Variants in SETBP1 observed in about 807,000 individuals in gnomAD.
SETBP1 encodes SET-binding protein.
Under a neutral mutation model 101.0 loss-of-function variants are expected in SETBP1, and 9 were observed. The observed-to-expected ratio is 0.09, with a 90% CI of 0.05 to 0.16. SETBP1 has a LOEUF of 0.16. Among genes scored for constraint, SETBP1 ranks in the 10% least tolerant of loss-of-function variants. The pLI is 1.00. For missense variants in SETBP1, 1,858 were observed against 2,033.8 expected (o/e 0.91, Z 1.66); for synonymous variants, 818 against 788.5 (o/e 1.04, Z -0.63).
At chr18:44,798,725 C>T (rs749637229) in intron 2 of SETBP1, among the ~76,000 whole-genome samples, 2 of 152,220 alleles carry the variant, frequency 1.3e-5, no homozygotes, top group Non-Finnish European at 2.9e-5. Flanking sequence ...AAACCTCACA[C>T]TGAGACTGAA....
chr18:44,980,455 G>C (rs2072087332), intron 4 of SETBP1, among the ~76,000 whole-genome samples: 1 of 151,256 alleles, frequency 6.6e-6, no homozygotes, highest in Non-Finnish European at 1.5e-5. Flanking sequence ...GCCCCAAGTA[G>C]TTTCTCTGAT....
intron 2 of SETBP1, among the ~76,000 whole-genome samples, chr18:44,778,611 G>C (rs2071056946): frequency 6.6e-6 from 1 of 152,200 alleles, no homozygotes; most frequent in Non-Finnish European, 1.5e-5. Context: ...GGCCAATTCA[G>C]TGGTAAGGCA....
At chr18:44,829,184 T>G (rs1420126204) in intron 2 of SETBP1, among the ~76,000 whole-genome samples, 1 of 152,158 alleles carries the variant, frequency 6.6e-6, no homozygotes, top group Admixed American at 6.5e-5. Flanking sequence ...TTTGGGTCCA[T>G]GTGGGTTTTC....
intron 5 of SETBP1, among the ~76,000 whole-genome samples, chr18:45,059,705 C>T (rs868352256): frequency 1.3e-5 from 2 of 152,186 alleles, no homozygotes; most frequent in South Asian, 2.1e-4. Flanking sequence ...TTCAGTTTCT[C>T]AGTCACACCA....
chr18:44,703,348 G>GTTTTTTTT (rs531974601), intron 2 of SETBP1, among the ~76,000 whole-genome samples: 47 of 51,440 alleles, frequency 9.1e-4, no homozygotes, highest in East Asian at 1.4e-3. Context: ...TTACCATTAG[G>GTTTTTTTT]TTTTTTTTTT....
rs762630306 is a variant in SETBP1, at chr18:44,950,331, G to T, written c.991G>T (p.Val331Leu). 3.1e-5 allele frequency: 50 copies of T among 1,613,950 alleles called. No homozygotes were observed. In the Admixed American group the frequency reaches 3.8e-4, roughly 12 times the overall value. Reference sequence around the variant, plus strand: ...AAAGGAGCCCCCAGAACCACCTACGGTGGGCAGCAAGAAAAAGTCCAGTAA... The same window carrying T: ...AAAGGAGCCCCCAGAACCACCTACGTTGGGCAGCAAGAAAAAGTCCAGTAA... The part of the protein sequence containing the change: ...GTKEPPEPPT[V>L]GSKKKSSKKD... Residue 331 changes from valine (V) to leucine (L), a missense_variant, in exon 4 of 6, where the codon GTG (valine) becomes TTG (leucine). Val to Leu is a conservative substitution (Grantham distance 32). This residue lies in a region of SETBP1 where 581 missense variants were observed against 535.1 expected (regional missense o/e 1.09). Coordinates refer to ENST00000649279, the MANE Select transcript of SETBP1 (RefSeq NM_015559.3).
intron 4 of SETBP1, among the ~76,000 whole-genome samples, chr18:44,966,524 T>C (rs1332990097): frequency 6.6e-6 from 1 of 152,232 alleles, no homozygotes; most frequent in Non-Finnish European, 1.5e-5. Flanking sequence ...TACCTTTATA[T>C]TAGGTAGGGA....
intron 2 of SETBP1, among the ~76,000 whole-genome samples, chr18:44,761,474 G>A (rs976842277): frequency 1.3e-5 from 2 of 152,192 alleles, no homozygotes; most frequent in East Asian, 3.8e-4. Context: ...CTGAGGGTTA[G>A]CAAGCTTACA....
At chr18:44,966,609 G>A (rs1210196276) in intron 4 of SETBP1, among the ~76,000 whole-genome samples, 1 of 152,068 alleles carries the variant, frequency 6.6e-6, no homozygotes, top group Non-Finnish European at 1.5e-5. Context: ...TAGCTTATAC[G>A]ATCCTTAGGA....
chr18:44,900,636 C>A (rs1218185623), intron 3 of SETBP1, among the ~76,000 whole-genome samples: 2 of 152,124 alleles, frequency 1.3e-5, no homozygotes, highest in Non-Finnish European at 2.9e-5. Flanking sequence ...GCAAAGTGTG[C>A]CCCCCAGACC....
intron 3 of SETBP1, among the ~76,000 whole-genome samples, chr18:44,910,741 A>G (rs1599309720): frequency 2.0e-5 from 3 of 152,332 alleles, no homozygotes; most frequent in East Asian, 1.9e-4. Context: ...CGTACATAAG[A>G]ACTCCTGATT....
chr18:44,792,752 T>A (rs1216819493), intron 2 of SETBP1, among the ~76,000 whole-genome samples: 1 of 152,222 alleles, frequency 6.6e-6, no homozygotes, highest in Non-Finnish European at 1.5e-5. Context: ...TTTTTTTCTC[T>A]TTCCAAAGGA....
At position 44,701,188 on chromosome 18, in the gene SETBP1, C is replaced by G. The variant is rs2069109538; in HGVS notation, c.-159C>G. On this transcript the variant is annotated 5_prime_UTR_variant, in exon 2 of 6. It adds an upstream start codon to the 5' untranslated region. Transcript: ENST00000649279. ...TTTGCTTCTCAGTTGCAGATCTGATCTCTTCTGAACACCTCATCGTGTCTC... is the reference window on the plus strand; with the variant it reads ...TTTGCTTCTCAGTTGCAGATCTGATGTCTTCTGAACACCTCATCGTGTCTC... The G allele has an allele frequency of 3.0e-6, 2 of 668,094 alleles. No homozygotes were observed. The highest frequency in any genetic ancestry group is 4.7e-6 in the Non-Finnish European group (2 of 427,508). The allele number at this position is 668,094 out of a possible 1,614,324, so 41.4% of individuals were successfully genotyped here.
chr18:44,804,956 A>T (rs879551953), intron 2 of SETBP1, among the ~76,000 whole-genome samples: 4 of 152,138 alleles, frequency 2.6e-5, no homozygotes, highest in Non-Finnish European at 5.9e-5. Context: ...CACAGAACAC[A>T]CAGTGAGACA....
Position 44,953,243 on chromosome 18 carries a change from G to A in SETBP1, c.3903G>A (p.Arg1301=). The change falls in exon 4 of 6, where the codon AGG becomes AGA. Residue 1301 remains arginine, a synonymous_variant. Coordinates refer to ENST00000649279, the MANE Select transcript of SETBP1 (RefSeq NM_015559.3). ...WDSDVSGSKR[R]SYEGFGTYRE... ...GTGACGTGAGTGGGAGTAAAAGGAG[G>A]AGCTATGAAGGCTTTGGAACGTACA... 6.2e-7 allele frequency: 1 copy of A among 1,614,142 alleles called. No homozygotes were observed. Among genetic ancestry groups the A allele is most frequent in the Middle Eastern group, 1.6e-4 (1 of 6,062 alleles).
chr18:44,915,624 G>A (rs756196576), intron 3 of SETBP1, among the ~76,000 whole-genome samples: 54 of 152,290 alleles, frequency 3.5e-4, no homozygotes, highest in Non-Finnish European at 6.0e-4. Flanking sequence ...AGACGGCTGA[G>A]CAATAAAGAA....
chr18:45,042,775 C>T (rs1286440391), intron 5 of SETBP1, among the ~76,000 whole-genome samples: 1 of 152,030 alleles, frequency 6.6e-6, no homozygotes, highest in Admixed American at 6.5e-5. Flanking sequence ...AGGGGGCCAT[C>T]GAGGAGATGC....
chr18:44,696,078 AATAAAT>A (rs2069013454), intron 1 of SETBP1, among the ~76,000 whole-genome samples: 1 of 152,210 alleles, frequency 6.6e-6, no homozygotes, highest in Non-Finnish European at 1.5e-5. Context: ...GAGGGAGGTG[AATAAAT>A]GATGCTGGGA....
chr18:44,704,951 G>A (rs1026720176), intron 2 of SETBP1, among the ~76,000 whole-genome samples: 1 of 152,182 alleles, frequency 6.6e-6, no homozygotes, highest in Non-Finnish European at 1.5e-5. Context: ...TAGAAAGGAA[G>A]CCCTGTTAAG....
Sources: allele counts gnomAD v4.1 joint callset (sites outside exome capture counted in the v4.1 genomes callset), GRCh38; gene constraint gnomAD v4.1.1; regional missense constraint gnomAD v4.1.1; transcripts MANE v1.5; gene names NCBI Gene and HGNC (gene_info 2026-07-23, HGNC 2026-07-21).